ITFG1: variants seen among roughly 807,000 people sequenced by gnomAD.
ITFG1 encodes the protein integrin alpha FG-GAP repeat containing 1.
A neutral mutation model predicts 81.8 loss-of-function variants in ITFG1; 34 were observed. The ratio of observed to expected loss-of-function variants is 0.42; its 90% CI spans 0.32 to 0.55. ITFG1 has a LOEUF of 0.55. ITFG1 is among the 20% of genes least tolerant of loss of function. ITFG1 has a pLI of 0.17. For synonymous variants in ITFG1, 285 were observed against 270.6 expected, an observed-to-expected ratio of 1.05 and a Z score of -0.52; for missense variants, 672 against 755.4, an observed-to-expected ratio of 0.89 and a Z score of 1.29.
chr16:47,387,649 C>A (rs757977068), intron 6 of ITFG1, among the ~76,000 whole-genome samples: 6 of 152,164 alleles, frequency 3.9e-5, no homozygotes, highest in Non-Finnish European at 8.8e-5. Context: ...GGAAGGCCTG[C>A]CTTGCGGTTC....
chr16:47,233,942 G>A (rs1234636617), intron 13 of ITFG1, among the ~76,000 whole-genome samples: 1 of 152,118 alleles, frequency 6.6e-6, no homozygotes, highest in Non-Finnish European at 1.5e-5. Context: ...ACAAAAACAA[G>A]GACACTAGAG....
chr16:47,225,109 A>C (rs1486707830), intron 13 of ITFG1, among the ~76,000 whole-genome samples: 1 of 152,246 alleles, frequency 6.6e-6, no homozygotes, highest in African/African-American at 2.4e-5. Context: ...AAATCACAAA[A>C]TAGAACAAAA....
chr16:47,185,067 AAG>A (rs1965192500), intron 14 of ITFG1, among the ~76,000 whole-genome samples: 1 of 151,760 alleles, frequency 6.6e-6, no homozygotes, highest in Non-Finnish European at 1.5e-5. Flanking sequence ...TCAATTCAAC[AAG>A]AAGAGCTAAC....
chr16:47,156,030 C>T (rs1161291332), intron 17 of ITFG1, among the ~76,000 whole-genome samples: 1 of 152,150 alleles, frequency 6.6e-6, no homozygotes, highest in African/African-American at 2.4e-5. Flanking sequence ...TCCTTAAATA[C>T]TTAGCTTCTT....
chr16:47,237,743 C>CTA, intron 13 of ITFG1, among the ~76,000 whole-genome samples: 1 of 152,118 alleles, frequency 6.6e-6, no homozygotes, highest in East Asian at 1.9e-4. Flanking sequence ...GGTCATTCTG[C>CTA]TAAGGATATC....
At chr16:47,405,192 A>C (rs1479187183) in intron 6 of ITFG1, among the ~76,000 whole-genome samples, 1 of 152,222 alleles carries the variant, frequency 6.6e-6, no homozygotes, top group East Asian at 1.9e-4. Context: ...TCTTGTATGT[A>C]GAGAATACAC....
intron 10 of ITFG1, among the ~76,000 whole-genome samples, chr16:47,294,889 G>A (rs746109761): frequency 5.3e-5 from 8 of 151,980 alleles, no homozygotes; most frequent in Admixed American, 2.6e-4. Flanking sequence ...TAGGACGTCC[G>A]GTATTATTTA....
chr16:47,274,828 T>A (rs1472432691), intron 10 of ITFG1, among the ~76,000 whole-genome samples: 4 of 152,296 alleles, frequency 2.6e-5, no homozygotes, highest in African/African-American at 9.6e-5. Flanking sequence ...GTCCAATAGA[T>A]GTTTTGTGGA....
chr16:47,432,255 A>G (rs1969105202), intron 5 of ITFG1, among the ~76,000 whole-genome samples: 1 of 152,206 alleles, frequency 6.6e-6, no homozygotes, highest in Non-Finnish European at 1.5e-5. Context: ...GAAACCACAG[A>G]TATGTCATCT....
At chr16:47,177,211 C>G (rs1338755334) in intron 14 of ITFG1, among the ~76,000 whole-genome samples, 1 of 152,088 alleles carries the variant, frequency 6.6e-6, no homozygotes, top group Non-Finnish European at 1.5e-5. Flanking sequence ...TACAAGTGAT[C>G]CTCCCACCTC....
intron 14 of ITFG1, among the ~76,000 whole-genome samples, chr16:47,191,353 G>T (rs1360906464): frequency 6.6e-6 from 1 of 151,050 alleles, no homozygotes; most frequent in Non-Finnish European, 1.5e-5. Context: ...TTTGAATGTG[G>T]CCCAACACAA....
intron 5 of ITFG1, among the ~76,000 whole-genome samples, chr16:47,442,720 C>A (rs1969269729): frequency 6.6e-6 from 1 of 152,132 alleles, no homozygotes; most frequent in South Asian, 2.1e-4. Context: ...GAAACTGGAT[C>A]CCTTCCTTAC....
chr16:47,440,883 T>C (rs1969239215), intron 5 of ITFG1, among the ~76,000 whole-genome samples: 1 of 151,976 alleles, frequency 6.6e-6, no homozygotes, highest in Admixed American at 6.6e-5. Context: ...CTTCAAAAAA[T>C]CAATGAATCC....
intron 14 of ITFG1, among the ~76,000 whole-genome samples, chr16:47,205,764 T>A (rs908150903): frequency 5.9e-5 from 9 of 152,150 alleles, no homozygotes; most frequent in African/African-American, 1.7e-4. Context: ...CATCAACCAG[T>A]GTGCAATTCA....
At chr16:47,337,448 T>C (rs907449666) in intron 8 of ITFG1, among the ~76,000 whole-genome samples, 1 of 152,000 alleles carries the variant, frequency 6.6e-6, no homozygotes, top group Non-Finnish European at 1.5e-5. Flanking sequence ...TGGGAACCTA[T>C]AATCCCAGCT....
chr16:47,451,085 T>C (rs1470411379), intron 5 of ITFG1, among the ~76,000 whole-genome samples: 1 of 152,178 alleles, frequency 6.6e-6, no homozygotes, highest in East Asian at 1.9e-4. Flanking sequence ...GAGGATCCAC[T>C]CAAGACTGCA....
intron 7 of ITFG1, among the ~76,000 whole-genome samples, chr16:47,366,480 A>C (rs192247173): frequency 7.3e-4 from 111 of 152,318 alleles, no homozygotes; most frequent in Non-Finnish European, 4.9e-4. Context: ...TGCCTAAGCT[A>C]AATAGAAAAG....
chr16:47,296,464 C>G (rs1966983422), intron 10 of ITFG1, among the ~76,000 whole-genome samples: 1 of 152,108 alleles, frequency 6.6e-6, no homozygotes, highest in African/African-American at 2.4e-5. Context: ...GAGATGGAGT[C>G]TGGCTCTGTC....
chr16:47,312,203 A>G (rs910025310), intron 9 of ITFG1: 3 of 152,228 alleles, frequency 2.0e-5, no homozygotes, highest in African/African-American at 4.8e-5. Context: ...TCATGCCATT[A>G]AAGTTATAGT....
Sources: allele counts gnomAD v4.1 joint callset (sites outside exome capture counted in the v4.1 genomes callset), GRCh38; gene constraint gnomAD v4.1.1; transcripts MANE v1.5; gene names NCBI Gene and HGNC (gene_info 2026-07-23, HGNC 2026-07-21).